The following GPR137B variants were observed in gnomAD, a reference collection of about 807,000 sequenced individuals.
GPR137B encodes G protein-coupled receptor 137B.
A neutral mutation model predicts 42.5 loss-of-function variants in GPR137B; 42 were observed. That is an observed-to-expected ratio of 0.99 (90% confidence interval 0.77 to 1.28). The LOEUF (loss-of-function observed/expected upper bound fraction) is 1.28, where lower values mean the gene tolerates loss of function less well. Among genes scored for constraint, GPR137B ranks in the 50% most tolerant of loss-of-function variants. The probability of loss-of-function intolerance (pLI) is 0.00; values close to 1 mark genes in which losing one functional copy is unlikely to be tolerated. For synonymous variants in GPR137B, 218 were observed against 209.7 expected (o/e 1.04, Z -0.34); for missense variants, 487 against 493.9 (o/e 0.99, Z 0.13).
rs1661748623 is a variant in GPR137B, at chr1:236,148,650, A to T, written c.414+5614A>T. On this transcript the variant is annotated intron_variant, in intron 1 of 6. Transcript: ENST00000366592. ...TCTGGTCTGTTCTGTTCTGAAACTC[A>T]GCTAGGGACTTCCACACCCTCCACT... Among the ~76,000 whole-genome samples the T allele has an allele frequency of 5.3e-5, 8 of 152,140 alleles. 1 individual carries two copies. Among genetic ancestry groups the T allele is most frequent in the Admixed American group, 5.2e-4 (8 of 15,264 alleles).
In GPR137B at chr1:236,171,772, C is replaced by T. The variant is rs1206186588; in HGVS notation, c.464+3017C>T. 1.3e-5 allele frequency among the ~76,000 whole-genome samples: 2 copies of T among 152,124 alleles called. No individual in the cohort carries two copies. Among genetic ancestry groups the T allele is most frequent in the East Asian group, 1.9e-4 (1 of 5,186 alleles). ...AAAGTGAGATGTTTGGGACTGGGCGCGGTGGCTCATGCCTGTAATCCCAGC... is the reference window on the plus strand; with the variant it reads ...AAAGTGAGATGTTTGGGACTGGGCGTGGTGGCTCATGCCTGTAATCCCAGC... On this transcript the variant is annotated intron_variant, in intron 2 of 6. Coordinates refer to ENST00000366592, the MANE Select transcript of GPR137B (RefSeq NM_003272.4). This position sits in a 1 kb window ranked among gnomAD's most constrained non-coding sequence, Gnocchi z 4.4.
intron 1 of GPR137B, among the ~76,000 whole-genome samples, chr1:236,145,145 G>C (rs1355150153): frequency 1.3e-5 from 2 of 152,220 alleles, no homozygotes; most frequent in African/African-American, 2.4e-5. Context: ...TGGCATCTCA[G>C]AGCCTGGCAG....
chr1:236,155,491 C>T lies in GPR137B; in HGVS notation c.414+12455C>T, dbSNP rs996349575. Among the ~76,000 whole-genome samples, 4 of 152,126 alleles carry T rather than the reference C, an allele frequency of 2.6e-5. No homozygotes were observed. The highest frequency in any genetic ancestry group is 2.6e-4 in the Admixed American group (4 of 15,276). On this transcript the variant is annotated intron_variant, in intron 1 of 6. Coordinates refer to ENST00000366592, the MANE Select transcript of GPR137B (RefSeq NM_003272.4). This position sits in a 1 kb window ranked among gnomAD's most constrained non-coding sequence, Gnocchi z 4.6. ...GACTGAAGGACGGCGTTTGGTGTGG[C>T]TTTAGGTTGACTTGGAGAGCCGCAA...
chr1:236,191,500 T>A (rs10924680), intron 5 of GPR137B, among the ~76,000 whole-genome samples: 1 of 151,996 alleles, frequency 6.6e-6, no homozygotes, highest in Non-Finnish European at 1.5e-5. Flanking sequence ...TGGTCTTTGA[T>A]GTTGGTGACC....
At chr1:236,186,282 T>TA in intron 5 of GPR137B, among the ~76,000 whole-genome samples, 1 of 84,266 alleles carries the variant, frequency 1.2e-5, no homozygotes, top group Non-Finnish European at 2.2e-5. Context: ...TATATAATAA[T>TA]ATAAATAATA....
chr1:236,148,795 G>A (rs1381720645), intron 1 of GPR137B, among the ~76,000 whole-genome samples: 1 of 152,104 alleles, frequency 6.6e-6, no homozygotes, highest in Non-Finnish European at 1.5e-5. Flanking sequence ...CTCATCATGG[G>A]CACTAGGCCA....
chr1:236,186,884 C>T (rs535563641), intron 5 of GPR137B, among the ~76,000 whole-genome samples: 1 of 152,282 alleles, frequency 6.6e-6, no homozygotes, highest in Non-Finnish European at 1.5e-5. Flanking sequence ...ATTGCTGGGT[C>T]AAATGGTATT....
rs1010935679 is a variant in GPR137B, at chr1:236,178,442, A to G, written c.493A>G (p.Ile165Val). Reference protein sequence around the residue: ...RLPLYLASLFISLVFLLVNLT... With the variant: ...RLPLYLASLFVSLVFLLVNLT... ...GCCCCTCTACCTGGCCTCCCTCTTC[A>G]TCAGCCTTGTTTTCCTGTTGGTGAA... is the stretch of plus-strand genomic sequence containing the variant. Residue 165 changes from isoleucine (I) to valine (V), a missense_variant, in exon 3 of 7, where the codon ATC (isoleucine) becomes GTC (valine). Transcript: ENST00000366592. 2 of 1,613,754 alleles carry G rather than the reference A, an allele frequency of 1.2e-6. No homozygotes were observed. The highest frequency in any genetic ancestry group is 1.7e-6 in the Non-Finnish European group (2 of 1,179,932).
At position 236,147,598 on chromosome 1, in the gene GPR137B, C is replaced by T. The variant is rs544222205; in HGVS notation, c.414+4562C>T. Among the ~76,000 whole-genome samples, 7 of 152,298 alleles carry T rather than the reference C, an allele frequency of 4.6e-5. No homozygotes were observed. The East Asian group carries it at 1.2e-3, about 25-fold the overall frequency. ...TTTTCACTCCTTGCGTGCCTAGGGG[C>T]CCTCCCACCTGTAAAAATCCCAGGT... is the stretch of plus-strand genomic sequence containing the variant. On this transcript the variant is annotated intron_variant, in intron 1 of 6. Transcript: ENST00000366592.
chr1:236,153,092 A>G (rs568395584), intron 1 of GPR137B, among the ~76,000 whole-genome samples: 1 of 151,962 alleles, frequency 6.6e-6, no homozygotes, highest in South Asian at 2.1e-4. Flanking sequence ...AAAAACAGAC[A>G]AAAAACCAAA....
rs1662038470 is a variant in GPR137B at position 236,156,667 on chromosome 1, T to C, written c.415-12039T>C. ...CTGCAGAAAGGAGAACTCCGGTGTC[T>C]GGATTTCGGGGACCGACTGTCTTGT... On this transcript the variant is annotated intron_variant, in intron 1 of 6. Transcript: ENST00000366592. The surrounding 1 kb of genome is among the most constrained non-coding windows in gnomAD (Gnocchi z 4.8). Among the ~76,000 whole-genome samples, 1 of 152,224 alleles carries C rather than the reference T, an allele frequency of 6.6e-6. No homozygotes were observed. Among genetic ancestry groups the C allele is most frequent in the Non-Finnish European group, 1.5e-5 (1 of 68,034 alleles).
At chr1:236,176,997 GT>G (rs2102909224) in intron 2 of GPR137B, among the ~76,000 whole-genome samples, 1 of 152,298 alleles carries the variant, frequency 6.6e-6, no homozygotes, top group Admixed American at 6.5e-5. Flanking sequence ...GTGTGTGCGT[GT>G]GAGGAGGTAC....
chr1:236,202,791 A>T (rs928207766), intron 5 of GPR137B, among the ~76,000 whole-genome samples: 2 of 152,176 alleles, frequency 1.3e-5, no homozygotes, highest in Non-Finnish European at 2.9e-5. Flanking sequence ...GCCCAGACCC[A>T]TGTCTTGGCG....
At chr1:236,202,601 C>T (rs1558496824) in intron 5 of GPR137B, among the ~76,000 whole-genome samples, 2 of 151,764 alleles carry the variant, frequency 1.3e-5, no homozygotes. Context: ...CCACCATCTT[C>T]CCCTCAAAGT....
chr1:236,186,855 G>A (rs1469376518), intron 5 of GPR137B, among the ~76,000 whole-genome samples: 1 of 152,124 alleles, frequency 6.6e-6, no homozygotes, highest in Non-Finnish European at 1.5e-5. Flanking sequence ...AATCCTTTGG[G>A]TATATACCCA....
At chr1:236,202,005 T>C (rs1558496648) in intron 5 of GPR137B, among the ~76,000 whole-genome samples, 1 of 151,954 alleles carries the variant, frequency 6.6e-6, no homozygotes. Context: ...ACTGCAGTGA[T>C]TGTTATTGCT....
intron 1 of GPR137B, among the ~76,000 whole-genome samples, chr1:236,160,340 C>T (rs1401351905): frequency 1.3e-5 from 2 of 152,142 alleles, no homozygotes; most frequent in Non-Finnish European, 2.9e-5. Context: ...AGTTCCTGAT[C>T]GGGTTCCCCA....
chr1:236,174,068 C>T (rs369476737), intron 2 of GPR137B, among the ~76,000 whole-genome samples: 3 of 152,206 alleles, frequency 2.0e-5, no homozygotes, highest in African/African-American at 7.2e-5. Context: ...TGATGTATTC[C>T]ATTATAGGTT....
chr1:236,159,685 G>T (rs576648497), intron 1 of GPR137B, among the ~76,000 whole-genome samples: 9 of 152,176 alleles, frequency 5.9e-5, no homozygotes, highest in African/African-American at 1.9e-4. Flanking sequence ...TCAGTGACGC[G>T]TGAACAGACT....
Sources: gnomAD v4.1 joint callset for allele counts (sites outside exome capture counted in the v4.1 genomes callset) on GRCh38, gnomAD v4.1.1 for gene constraint, Gnocchi (gnomAD v3.1) non-coding constraint, MANE v1.5 for transcripts, NCBI Gene and HGNC (gene_info 2026-07-23, HGNC 2026-07-21) for gene names.